FAM228B: variants seen among roughly 807,000 people sequenced by gnomAD.
FAM228B encodes the protein family with sequence similarity 228 member B, also known as protein FAM228B.
FAM228B carries 38 observed loss-of-function variants against 42.6 expected under a neutral mutation model. The ratio of observed to expected loss-of-function variants is 0.89; its 90% confidence interval spans 0.69 to 1.17. FAM228B has a LOEUF of 1.17. Ranked by LOEUF, FAM228B falls within the 50% of genes most tolerant of loss-of-function variation. FAM228B has a pLI of 0.00. For missense variants in FAM228B, 344 were observed against 367.3 expected (o/e 0.94, Z 0.52); for synonymous variants, 109 against 122.3 (o/e 0.89, Z 0.72).
At chr2:24,085,250 T>TC (rs1665205925) in intron 2 of FAM228B, 1 of 151,988 alleles carries the variant, frequency 6.6e-6, no homozygotes, top group African/African-American at 2.4e-5. Flanking sequence ...CAAAACGCAG[T>TC]CCTGGGATCC....
chr2:24,137,986 CTG>C lies in FAM228B; in HGVS notation c.251_252del (p.Val84GlyfsTer16), dbSNP rs2151019192. On this transcript the variant is annotated frameshift_variant, in exon 4 of 11. Coordinates refer to ENST00000615575, the MANE Select transcript of FAM228B (RefSeq NM_001145710.2). LOFTEE classifies it high-confidence loss of function. ...KEMLYKRWVDCVADPLQKKII... is the reference protein window; with the variant it reads ...KEMLYKRWVDXVADPLQKKII... ...AGATGTTATATAAAAGATGGGTTGACTGTGTGGCAGATCCTCTTCAGAAGAAA... is the reference window on the plus strand; with the variant it reads ...AGATGTTATATAAAAGATGGGTTGACTGTGGCAGATCCTCTTCAGAAGAAA... The C allele has an allele frequency of 6.5e-7, 1 of 1,548,300 alleles. No homozygotes were observed. The highest frequency in any genetic ancestry group is 1.2e-5 in the South Asian group (1 of 82,876).
intron 2 of FAM228B, among the ~76,000 whole-genome samples, chr2:24,134,590 A>G (rs1666534365): frequency 6.6e-6 from 1 of 152,248 alleles, no homozygotes; most frequent in South Asian, 2.1e-4. Context: ...TTTGGGACTC[A>G]AAGTGTCTGT....
At chr2:24,166,824 G>A (rs1190608305) in intron 9 of FAM228B, among the ~76,000 whole-genome samples, 1 of 152,082 alleles carries the variant, frequency 6.6e-6, no homozygotes, top group Non-Finnish European at 1.5e-5. Flanking sequence ...GGAGTGAGGC[G>A]TGGAGAGATC....
intron 2 of FAM228B, among the ~76,000 whole-genome samples, chr2:24,082,660 T>G (rs1340745368): frequency 6.6e-6 from 1 of 152,152 alleles, no homozygotes; most frequent in Non-Finnish European, 1.5e-5. Context: ...GCGTCCGGTG[T>G]TAACATGTAC....
At position 24,161,552 on chromosome 2, in the gene FAM228B, C is replaced by A. The variant is rs1028568038; in HGVS notation, c.733C>A (p.Pro245Thr). The A allele has an allele frequency of 5.2e-6, 8 of 1,548,478 alleles. No individual in the cohort carries two copies. The East Asian group carries it at 1.5e-4, about 28-fold the overall frequency. The stretch of plus-strand genomic sequence containing the variant: ...TAATGACTGTAGTTTTGATTTGAAA[C>A]CTTTGGCAAGAGCTCCTTATCTTTT... ...NFNDCSFDLK[P>T]LARAPYLLES... The change falls in exon 8 of 11, where the codon CCT (proline) becomes ACT (threonine). Residue 245 changes from proline to threonine, a missense_variant. By Grantham distance (38) the Pro-to-Thr change is conservative. Coordinates refer to ENST00000615575, the MANE Select transcript of FAM228B (RefSeq NM_001145710.2).
At chr2:24,109,169 G>A in intron 3 of FAM228B, among the ~76,000 whole-genome samples, 1 of 126,412 alleles carries the variant, frequency 7.9e-6, no homozygotes. Context: ...AAAGAGTAAT[G>A]GCAAAAAAAA....
In FAM228B at chr2:24,139,363, G is replaced by A; in HGVS notation, c.361-7G>A. On this transcript the variant is annotated splice_polypyrimidine_tract_variant and splice_region_variant and intron_variant, in intron 4 of 10. Coordinates refer to ENST00000615575, the MANE Select transcript of FAM228B (RefSeq NM_001145710.2). ...TTCTTGTGTATCGTTTTATTTCCTT[G>A]CTATAGGGAAATGCATTTATAGAAC... The A allele has an allele frequency of 2.0e-6, 3 of 1,509,938 alleles. No homozygotes were observed. Among genetic ancestry groups the A allele is most frequent in the Non-Finnish European group, 2.7e-6 (3 of 1,113,370 alleles). The allele number at this position is 1,509,938 out of a possible 1,614,324, so 93.5% of individuals were successfully genotyped here. A position where few individuals can be genotyped will look rare whatever the true frequency, so the allele number is the denominator to read the frequency against.
intron 7 of FAM228B, among the ~76,000 whole-genome samples, chr2:24,153,351 C>T (rs183019566): frequency 8.5e-5 from 13 of 152,272 alleles, no homozygotes; most frequent in Admixed American, 8.5e-4. Context: ...CCAGTATACT[C>T]CCTGGGTATC....
intron 3 of FAM228B, among the ~76,000 whole-genome samples, chr2:24,136,542 T>C (rs1008970903): frequency 2.6e-5 from 4 of 152,086 alleles, no homozygotes; most frequent in South Asian, 2.1e-4. Context: ...TTTAATTTTT[T>C]TGTAGAGACG....
In FAM228B at chr2:24,080,322, G is replaced by A. The variant is rs113596230; in HGVS notation, c.-289-554G>A. ...GCGAGCCGAGATCAAGCCACTGCAC[G>A]CCATCCTCAGTGACAGAGTGAGACT... On this transcript the variant is annotated intron_variant, in intron 1 of 10. Coordinates refer to the FAM228B transcript ENST00000613899. The surrounding 1 kb of genome is among the most constrained non-coding windows in gnomAD (Gnocchi z 4.7). Among the ~76,000 whole-genome samples the A allele has an allele frequency of 1.3e-5, 2 of 151,214 alleles. No individual in the cohort carries two copies. The highest frequency in any genetic ancestry group is 2.1e-4 in the South Asian group (1 of 4,794).
chr2:24,100,259 T>C (rs924118811), intron 3 of FAM228B, among the ~76,000 whole-genome samples: 4 of 152,186 alleles, frequency 2.6e-5, no homozygotes, highest in Admixed American at 2.6e-4. Context: ...AAAGCCAAAA[T>C]TGACAAAAGG....
intron 5 of FAM228B, among the ~76,000 whole-genome samples, chr2:24,140,087 TGTGAG>T (rs1666708349): frequency 6.6e-6 from 1 of 152,238 alleles, no homozygotes; most frequent in South Asian, 2.1e-4. Context: ...GCTGCTACTG[TGTGAG>T]GTAAGTCACA....
chr2:24,135,218 T>A, intron 3 of FAM228B, 31 bp downstream of exon 3: 1 of 1,221,184 alleles, frequency 8.2e-7, no homozygotes, highest in Non-Finnish European at 1.1e-6. Context: ...GCATCTCAGT[T>A]AAAAATTAAA....
chr2:24,141,310 C>T (rs1013532121), intron 5 of FAM228B, among the ~76,000 whole-genome samples: 4 of 152,166 alleles, frequency 2.6e-5, no homozygotes, highest in African/African-American at 7.2e-5. Flanking sequence ...GTGGCGTGAT[C>T]TTGGCTTACT....
intron 3 of FAM228B, 105 bp downstream of exon 3, chr2:24,135,292 G>A: frequency 1.5e-6 from 1 of 662,690 alleles, no homozygotes; most frequent in Non-Finnish European, 2.5e-6. Flanking sequence ...ATGGAAAAAA[G>A]AATTAAAAGA....
intron 10 of FAM228B, among the ~76,000 whole-genome samples, chr2:24,168,921 C>T (rs1313103587): frequency 1.3e-5 from 2 of 152,128 alleles, no homozygotes; most frequent in Non-Finnish European, 1.5e-5. Flanking sequence ...TCTGTTTACT[C>T]ATTTTCTCAA....
intron 8 of FAM228B, among the ~76,000 whole-genome samples, chr2:24,163,167 C>CA (rs1237282438): frequency 6.6e-6 from 1 of 152,230 alleles, no homozygotes; most frequent in Non-Finnish European, 1.5e-5. Context: ...GATCGGCTTA[C>CA]AATTCTCTGT....
chr2:24,093,055 G>A (rs1317423772), intron 2 of FAM228B, among the ~76,000 whole-genome samples: 1 of 151,864 alleles, frequency 6.6e-6, no homozygotes, highest in Non-Finnish European at 1.5e-5. Context: ...TACTCCAGGT[G>A]GTAGTCTGCA....
intron 2 of FAM228B, chr2:24,083,184 C>T: frequency 6.4e-7 from 1 of 1,558,358 alleles, no homozygotes; most frequent in Non-Finnish European, 8.7e-7. Flanking sequence ...AAGTGGTGAG[C>T]ATGATCAGAA....
Sources: gnomAD v4.1 joint callset for allele counts (sites outside exome capture counted in the v4.1 genomes callset) on GRCh38, gnomAD v4.1.1 for gene constraint, Gnocchi (gnomAD v3.1) non-coding constraint, MANE v1.5 for transcripts, NCBI Gene and HGNC (gene_info 2026-07-23, HGNC 2026-07-21) for gene names.